Variants in USP47 observed in about 807,000 individuals in gnomAD.
USP47 encodes ubiquitin carboxyl-terminal hydrolase 47.
In USP47, 35 loss-of-function variants were observed where a neutral mutation model predicts 165.1. That is an observed-to-expected ratio of 0.21 (90% CI 0.16 to 0.28). The LOEUF (loss-of-function observed/expected upper bound fraction) is 0.28. Ranked by LOEUF, USP47 falls within the 10% of genes least tolerant of loss-of-function variation. The pLI, the probability that USP47 is intolerant of heterozygous loss-of-function variation, is 1.00. For synonymous variants in USP47, 531 were observed against 544.5 expected, an observed-to-expected ratio of 0.98 and a Z score of 0.35; for missense variants, 1,277 against 1,607.4, an observed-to-expected ratio of 0.79 and a Z score of 3.52.
intron 7 of USP47, among the ~76,000 whole-genome samples, chr11:11,903,687 T>C (rs772973579): frequency 6.6e-6 from 1 of 152,160 alleles, no homozygotes; most frequent in Non-Finnish European, 1.5e-5. Flanking sequence ...AAATTATATG[T>C]TTTGTAATCT....
chr11:11,919,931 A>G (rs370873338), intron 8 of USP47, among the ~76,000 whole-genome samples: 18 of 151,974 alleles, frequency 1.2e-4, no homozygotes, highest in Non-Finnish European at 1.8e-4. Context: ...TGATACTGCA[A>G]TACTAAGAAA....
intron 17 of USP47, among the ~76,000 whole-genome samples, 186 bp from the exon 18 acceptor site, chr11:11,938,071 G>A (rs1440504734): frequency 1.3e-5 from 2 of 151,960 alleles, no homozygotes; most frequent in Non-Finnish European, 2.9e-5. Flanking sequence ...GCAAGCAGGA[G>A]TGCTGTGTCA....
chr11:11,898,902 C>T (rs1590332764), intron 5 of USP47, among the ~76,000 whole-genome samples: 3 of 152,124 alleles, frequency 2.0e-5, no homozygotes, highest in Non-Finnish European at 2.9e-5. Context: ...GATAGTGTTC[C>T]GAGCACTTTA....
intron 4 of USP47, among the ~76,000 whole-genome samples, chr11:11,894,781 C>T (rs934842085): frequency 1.7e-4 from 26 of 152,128 alleles, no homozygotes; most frequent in African/African-American, 5.3e-4. Flanking sequence ...TTTTTTAAAA[C>T]GCTCTTTCTT....
At chr11:11,940,020 G>A (rs1855353748) in intron 18 of USP47, among the ~76,000 whole-genome samples, 1 of 151,854 alleles carries the variant, frequency 6.6e-6, no homozygotes, top group Non-Finnish European at 1.5e-5. Flanking sequence ...TTTAATAAAA[G>A]TATTAAAAAC....
At chr11:11,858,101 C>T (rs1849162204) in intron 1 of USP47, among the ~76,000 whole-genome samples, 1 of 152,212 alleles carries the variant, frequency 6.6e-6, no homozygotes. Context: ...TTAGCCGCTG[C>T]TGGTGCAGTT....
At chr11:11,934,819 TAA>T (rs1854935427) in intron 16 of USP47, among the ~76,000 whole-genome samples, 1 of 152,136 alleles carries the variant, frequency 6.6e-6, no homozygotes, top group Non-Finnish European at 1.5e-5. Context: ...TTAACAAATA[TAA>T]GTTTTCCCCT....
At chr11:11,848,834 C>T (rs1022549268) in intron 1 of USP47, among the ~76,000 whole-genome samples, 3 of 152,168 alleles carry the variant, frequency 2.0e-5, no homozygotes, top group South Asian at 2.1e-4. Context: ...TGGTCTTGAT[C>T]TCTTGACCTC....
intron 1 of USP47, among the ~76,000 whole-genome samples, chr11:11,871,803 AC>A (rs949591056): frequency 6.6e-6 from 1 of 152,028 alleles, no homozygotes; most frequent in African/African-American, 2.4e-5. Context: ...GCTGGACTCC[AC>A]CTGCACTCTC....
chr11:11,895,631 G>A (rs1653734056), intron 4 of USP47, among the ~76,000 whole-genome samples: 1 of 152,128 alleles, frequency 6.6e-6, no homozygotes. Context: ...ACTTCCCACT[G>A]GTAGCCAGCC....
intron 23 of USP47, 36 bp from the exon 24 acceptor site, chr11:11,950,328 A>G (rs760027919): frequency 1.4e-6 from 2 of 1,400,794 alleles, no homozygotes; most frequent in East Asian, 4.8e-5. Flanking sequence ...AGAGTTTCAA[A>G]TTATAGTCGT....
In USP47 at chr11:11,961,021, G is replaced by C. The variant is rs966308638; in HGVS notation, c.*4846G>C. ...AGCTCCTGTGTCAGAAATGCTTTTT[G>C]GCTTCAAATAACAGAAAAGCTAACA... is the stretch of plus-strand genomic sequence containing the variant. On this transcript the variant is annotated 3_prime_UTR_variant, in exon 28 of 28. Transcript: ENST00000527733. Among the ~76,000 whole-genome samples the C allele has an allele frequency of 3.3e-5, 5 of 152,040 alleles. No homozygotes were observed. The highest frequency in any genetic ancestry group is 1.2e-4 in the African/African-American group (5 of 41,390).
At position 11,960,360 on chromosome 11, in the gene USP47, C is replaced by T. The variant is rs1475790578; in HGVS notation, c.*4185C>T. Among the ~76,000 whole-genome samples the T allele has an allele frequency of 3.9e-5, 6 of 152,294 alleles. No homozygotes were observed. The highest frequency in any genetic ancestry group is 1.4e-4 in the African/African-American group (6 of 41,564). On this transcript the variant is annotated 3_prime_UTR_variant, in exon 28 of 28. Coordinates refer to ENST00000527733, the MANE Select transcript of USP47 (RefSeq NM_001282659.2). The stretch of plus-strand genomic sequence containing the variant: ...TTTTGTAGACATGAAGGTAGATGCC[C>T]TGCAGGTCCTATCAGCAAAGGACCC...
At position 11,955,020 on chromosome 11, in the gene USP47, C is replaced by T. The variant is rs781677160; in HGVS notation, c.3763-14C>T. The T allele has an allele frequency of 6.2e-7, 1 of 1,613,084 alleles. No homozygotes were observed. The highest frequency in any genetic ancestry group is 2.2e-5 in the East Asian group (1 of 44,826). ...TAGTGGCATGATTTATTCATTCATT[C>T]TTTTTCTTTTTAGGGTAGAGGAACA... is the stretch of plus-strand genomic sequence containing the variant. On this transcript the variant is annotated splice_polypyrimidine_tract_variant and intron_variant, in intron 26 of 27. Transcript: ENST00000527733.
chr11:11,919,391 C>T (rs756856355), intron 8 of USP47, among the ~76,000 whole-genome samples: 21 of 151,824 alleles, frequency 1.4e-4, no homozygotes, highest in Non-Finnish European at 2.4e-4. Flanking sequence ...TGAGATTATG[C>T]GTCCAATCTT....
At position 11,863,034 on chromosome 11, in the gene USP47, A is replaced by G. The variant is rs567662949; in HGVS notation, c.40-17143A>G. On this transcript the variant is annotated intron_variant, in intron 1 of 27. Transcript: ENST00000527733. Reference sequence around the variant, plus strand: ...CATTTAGGGGAAATTGCAGAGGGATACTAGTGGGAATGGAGTTGAAGATAA... The same window carrying G: ...CATTTAGGGGAAATTGCAGAGGGATGCTAGTGGGAATGGAGTTGAAGATAA... 2.6e-5 allele frequency among the ~76,000 whole-genome samples: 4 copies of G among 152,310 alleles called. No homozygotes were observed. In the East Asian group the frequency reaches 5.8e-4, roughly 22 times the overall value.
intron 1 of USP47, among the ~76,000 whole-genome samples, chr11:11,875,922 G>T (rs555431723): frequency 3.7e-4 from 56 of 152,264 alleles, no homozygotes; most frequent in African/African-American, 1.2e-3. Context: ...TTTTTAAAAA[G>T]GATTTTTTTT....
At chr11:11,952,609 T>G (rs1335660493) in intron 24 of USP47, 132 bp from the exon 25 acceptor site, 19 of 1,073,726 alleles carry the variant, frequency 1.8e-5, no homozygotes, top group Admixed American at 5.8e-5. Flanking sequence ...GATAATTGGG[T>G]TTTTTCTTGT....
At chr11:11,945,081 A>G (rs1855736031) in intron 20 of USP47, among the ~76,000 whole-genome samples, 1 of 152,220 alleles carries the variant, frequency 6.6e-6, no homozygotes, top group Non-Finnish European at 1.5e-5. Context: ...AAGAGAAACC[A>G]TTCACTACAA....
Sources: gnomAD v4.1 joint callset for allele counts (sites outside exome capture counted in the v4.1 genomes callset) on GRCh38, gnomAD v4.1.1 for gene constraint, MANE v1.5 for transcripts, NCBI Gene and HGNC (gene_info 2026-07-23, HGNC 2026-07-21) for gene names.